The following PAFAH1B1 variants were observed in gnomAD, a reference collection of about 807,000 sequenced individuals.
PAFAH1B1 encodes platelet-activating factor acetylhydrolase IB subunit beta.
In PAFAH1B1, 2 loss-of-function variants were observed where a neutral mutation model predicts 57.5. That is an observed-to-expected ratio of 0.03 (90% CI 0.01 to 0.11). The LOEUF (loss-of-function observed/expected upper bound fraction) is 0.11. PAFAH1B1 is among the 10% of genes least tolerant of loss of function. The pLI is 1.00. For synonymous variants in PAFAH1B1, 152 were observed against 169.6 expected (o/e 0.90, Z 0.81); for missense variants, 257 against 512.0 (o/e 0.50, Z 4.81).
chr17:2,593,650 T>G, upstream of PAFAH1B1: 1 of 244,536 alleles, frequency 4.1e-6, no homozygotes, highest in East Asian at 7.9e-5. Flanking sequence ...GCAGCTCCTG[T>G]GACAGACGGA....
chr17:2,662,343 T>C (rs111499727), intron 2 of PAFAH1B1, among the ~76,000 whole-genome samples: 3,442 of 152,022 alleles, frequency 0.023, 139 homozygotes, highest in African/African-American at 0.079. Flanking sequence ...TTTTCTTTTT[T>C]ATTTTTCTTA....
intron 1 of PAFAH1B1, among the ~76,000 whole-genome samples, chr17:2,607,151 A>G (rs528131308): frequency 6.7e-6 from 1 of 149,138 alleles, no homozygotes; most frequent in East Asian, 2.0e-4. Flanking sequence ...AGGCATTATT[A>G]CAGTTATAGT....
chr17:2,679,502 TTGGATGGA>T (rs1304583128), intron 9 of PAFAH1B1, among the ~76,000 whole-genome samples: 1 of 85,916 alleles, frequency 1.2e-5, no homozygotes, highest in African/African-American at 4.4e-5. Context: ...GGATGGATGA[TTGGATGGA>T]TGGATGGATG....
intron 1 of PAFAH1B1, among the ~76,000 whole-genome samples, chr17:2,619,240 A>G (rs1237157345): frequency 6.6e-6 from 1 of 151,846 alleles, no homozygotes; most frequent in Admixed American, 6.6e-5. Flanking sequence ...GTAGACTCCA[A>G]CTCCTGGGCT....
intron 2 of PAFAH1B1, among the ~76,000 whole-genome samples, chr17:2,643,550 C>T (rs965201576): frequency 7.3e-6 from 1 of 137,496 alleles, no homozygotes; most frequent in Non-Finnish European, 1.6e-5. Flanking sequence ...GCCAACACAC[C>T]TGGCTTTTTT....
chr17:2,664,692 CTTT>C (rs2069078683), intron 2 of PAFAH1B1, among the ~76,000 whole-genome samples: 2 of 55,652 alleles, frequency 3.6e-5, no homozygotes, highest in South Asian at 5.5e-4. Flanking sequence ...CTCTCTCTCT[CTTT>C]CTCTCTCCAT....
At chr17:2,663,461 T>C (rs923614684) in intron 2 of PAFAH1B1, among the ~76,000 whole-genome samples, 4 of 152,040 alleles carry the variant, frequency 2.6e-5, no homozygotes, top group Non-Finnish European at 5.9e-5. Context: ...ACTCACAGCT[T>C]GCTGCAACCT....
At position 2,680,401 on chromosome 17, in the gene PAFAH1B1, T is replaced by C. The variant is rs542447702; in HGVS notation, c.1159+81T>C. The C allele has an allele frequency of 3.1e-6, 4 of 1,282,042 alleles. No individual in the cohort carries two copies. The East Asian group carries it at 9.2e-5, about 30-fold the overall frequency. The allele number at this position is 1,282,042 out of a possible 1,614,324, so 79.4% of individuals were successfully genotyped here. A position where few individuals can be genotyped will look rare whatever the true frequency, so the allele number is the denominator to read the frequency against. On this transcript the variant is annotated intron_variant, in intron 10 of 10. Coordinates refer to ENST00000397195, the MANE Select transcript of PAFAH1B1 (RefSeq NM_000430.4). ...GTGTTTTACATAATCGTGTGGACTT[T>C]GCCAGGTAAGAAATGACTGTGCTTT...
At chr17:2,622,049 G>A (rs2068431993) in intron 1 of PAFAH1B1, among the ~76,000 whole-genome samples, 1 of 152,128 alleles carries the variant, frequency 6.6e-6, no homozygotes, top group South Asian at 2.1e-4. Flanking sequence ...CACGAGAATA[G>A]CATGGGAAAG....
intron 8 of PAFAH1B1, among the ~76,000 whole-genome samples, chr17:2,675,697 T>A (rs369176215): frequency 2.0e-5 from 3 of 151,690 alleles, no homozygotes; most frequent in Non-Finnish European, 4.4e-5. Flanking sequence ...AAAACTTAGC[T>A]AGGTGTGGTG....
At chr17:2,671,304 G>T (rs1348141112) in intron 6 of PAFAH1B1, among the ~76,000 whole-genome samples, 1 of 151,932 alleles carries the variant, frequency 6.6e-6, no homozygotes, top group African/African-American at 2.4e-5. Flanking sequence ...CGCCTCCCAG[G>T]TTTAAGTGAT....
At chr17:2,644,878 A>G (rs1270538624) in intron 2 of PAFAH1B1, among the ~76,000 whole-genome samples, 1 of 152,184 alleles carries the variant, frequency 6.6e-6, no homozygotes, top group Non-Finnish European at 1.5e-5. Context: ...TTTTAATTTG[A>G]ATAAAAATAA....
chr17:2,624,757 A>T (rs1194761711), intron 1 of PAFAH1B1, among the ~76,000 whole-genome samples: 2 of 152,134 alleles, frequency 1.3e-5, no homozygotes, highest in Admixed American at 1.3e-4. Context: ...TGCCCAGGCT[A>T]GTCTTGAACT....
chr17:2,663,143 T>C (rs1455842525), intron 2 of PAFAH1B1, among the ~76,000 whole-genome samples: 2 of 151,888 alleles, frequency 1.3e-5, no homozygotes, highest in Admixed American at 1.3e-4. Context: ...CCAAGCGTGG[T>C]GGCGGGCACC....
chr17:2,600,360 A>G (rs571986452), intron 1 of PAFAH1B1, among the ~76,000 whole-genome samples: 1 of 152,084 alleles, frequency 6.6e-6, no homozygotes, highest in Non-Finnish European at 1.5e-5. Flanking sequence ...GAAGGTGATC[A>G]GGAGTTCCAG....
In PAFAH1B1 at chr17:2,612,975, C is replaced by T. The variant is rs376836007; in HGVS notation, c.-191+18969C>T. ...GTTTGTTTTTTCAATTTTTAGTGGT[C>T]GAAAAATCAAAATAAAATGTTTTGT... On this transcript the variant is annotated intron_variant, in intron 1 of 10. Transcript: ENST00000397195. 1.2e-3 allele frequency among the ~76,000 whole-genome samples: 171 copies of T among 140,626 alleles called. 3 individuals are homozygous for T. The South Asian group carries it at 0.036, about 29-fold the overall frequency. The allele number at this position is 140,626 out of a possible 152,430, so 92.3% of individuals were successfully genotyped here.
At chr17:2,607,340 A>AT (rs893833513) in intron 1 of PAFAH1B1, among the ~76,000 whole-genome samples, 129 of 148,098 alleles carry the variant, frequency 8.7e-4, no homozygotes, top group African/African-American at 2.2e-3. Context: ...TGCCCGGCTG[A>AT]TTTTTTTTTG....
At chr17:2,595,701 A>G (rs2068078247) in intron 1 of PAFAH1B1, among the ~76,000 whole-genome samples, 1 of 152,170 alleles carries the variant, frequency 6.6e-6, no homozygotes, top group African/African-American at 2.4e-5. Context: ...TTTCGTGTTC[A>G]TTAATGATCA....
At position 2,655,195 on chromosome 17, in the gene PAFAH1B1, G is replaced by A. The variant is rs1051730258; in HGVS notation, c.33-10177G>A. Among the ~76,000 whole-genome samples the A allele has an allele frequency of 5.4e-5, 8 of 149,160 alleles. No homozygotes were observed. The South Asian group carries it at 1.7e-3, about 31-fold the overall frequency. On this transcript the variant is annotated intron_variant, in intron 2 of 10. Transcript: ENST00000397195. ...TATATATACATATATGTGTGTGTGT[G>A]TGTGTGTGTGTGTGTGTGTGTTTAT...
Sources: gnomAD v4.1 joint callset for allele counts (sites outside exome capture counted in the v4.1 genomes callset) on GRCh38, gnomAD v4.1.1 for gene constraint, MANE v1.5 for transcripts, NCBI Gene and HGNC (gene_info 2026-07-23, HGNC 2026-07-21) for gene names.